The following SLC5A7 variants were observed in gnomAD, a reference collection of about 807,000 sequenced individuals.
The protein encoded by SLC5A7 is high affinity choline transporter 1.
In SLC5A7, 19 loss-of-function variants were observed where a neutral mutation model predicts 55.4. The observed-to-expected ratio is 0.34, with a 90% CI of 0.24 to 0.50. The LOEUF is 0.50. Among genes scored for constraint, SLC5A7 ranks in the 20% least tolerant of loss-of-function variants. The pLI is 0.98. For missense variants in SLC5A7, 506 were observed against 705.3 expected (o/e 0.72, Z 3.20); for synonymous variants, 265 against 263.7 (o/e 1.00, Z -0.05).
chr2:108,007,062 A>G (rs893673696), intron 7 of SLC5A7, among the ~76,000 whole-genome samples: 1 of 152,204 alleles, frequency 6.6e-6, no homozygotes, highest in Admixed American at 6.5e-5. Flanking sequence ...GCTCACCTTT[A>G]ATTTAATTAA....
rs767362959 is a variant in SLC5A7 at position 107,993,159 on chromosome 2, T to A, written c.448+32T>A. 7.4e-6 allele frequency: 12 copies of A among 1,611,920 alleles called. 1 individual carries two copies. In the South Asian group the frequency reaches 8.8e-5, roughly 12 times the overall value. On this transcript the variant is annotated intron_variant, in intron 4 of 8. Coordinates refer to ENST00000264047, the MANE Select transcript of SLC5A7 (RefSeq NM_021815.5). ...ACCAGCTAAGTTGTCTAGCTGCATC[T>A]TTGTAGTTAACTAAACATCAGATAC...
intron 5 of SLC5A7, 93 bp from the exon 6 acceptor site, chr2:108,001,804 C>T: frequency 7.4e-7 from 1 of 1,344,856 alleles, no homozygotes; most frequent in Non-Finnish European, 1.0e-6. Context: ...AGAGGAACTA[C>T]TGAGCTGTGC....
At chr2:108,005,149 G>A (rs1471011233) in intron 6 of SLC5A7, among the ~76,000 whole-genome samples, 1 of 152,164 alleles carries the variant, frequency 6.6e-6, no homozygotes, top group African/African-American at 2.4e-5. Context: ...AGAAGTTCTA[G>A]TATTTATTAT....
rs1313664237 is a variant in SLC5A7 at position 108,013,321 on chromosome 2, T to C, written c.*2460T>C. 1 of 152,170 alleles carries C rather than the reference T, an allele frequency of 6.6e-6. No individual in the cohort carries two copies. Among genetic ancestry groups the C allele is most frequent in the African/African-American group, 2.4e-5 (1 of 41,444 alleles). The allele number at this position is 152,170 out of a possible 1,614,324, so 9.4% of individuals were successfully genotyped here. ...TCCTCACCTACCCTCAAAGTAGGTA[T>C]ACAAAAGACTAGTTTGTTATTAATC... On this transcript the variant is annotated 3_prime_UTR_variant, in exon 9 of 9. Transcript: ENST00000264047.
Position 108,010,621 on chromosome 2 carries a change from A to G in SLC5A7, c.1503A>G (p.Leu501=), listed in dbSNP as rs921978446. The G allele has an allele frequency of 3.1e-6, 5 of 1,614,006 alleles. No homozygotes were observed. Among genetic ancestry groups the G allele is most frequent in the African/African-American group, 1.3e-5 (1 of 75,038 alleles). Residue 501 remains leucine, a synonymous_variant, in exon 9 of 9, where the codon CTA becomes CTG. Coordinates refer to ENST00000264047, the MANE Select transcript of SLC5A7 (RefSeq NM_021815.5). ...NICISYLAKY[L]FESGTLPPKL... is the part of the protein sequence containing the mutation. ...GCATCTCCTATCTAGCCAAGTATCTATTTGAAAGTGGAACCTTGCCACCTA... is the reference window on the plus strand; with the variant it reads ...GCATCTCCTATCTAGCCAAGTATCTGTTTGAAAGTGGAACCTTGCCACCTA...
intron 8 of SLC5A7, among the ~76,000 whole-genome samples, chr2:108,009,320 A>G (rs1371024281): frequency 2.0e-5 from 3 of 152,188 alleles, no homozygotes; most frequent in African/African-American, 7.2e-5. Context: ...CTCCTTGAAC[A>G]AGGCATTTTC....
chr2:107,993,714 CTGA>C (rs1230295212), intron 4 of SLC5A7, among the ~76,000 whole-genome samples: 2 of 152,128 alleles, frequency 1.3e-5, no homozygotes, highest in Non-Finnish European at 2.9e-5. Context: ...TCTAAAAGCA[CTGA>C]TATTTTCAGA....
In SLC5A7 at chr2:107,992,088, C is replaced by G. The variant is rs552222736; in HGVS notation, c.179-18C>G. Reference sequence around the variant, plus strand: ...CAGGTAAGACAGTATCACTCCCTCACTTTTCATTCTGTTTCAGCTACCTGG... The same window carrying G: ...CAGGTAAGACAGTATCACTCCCTCAGTTTTCATTCTGTTTCAGCTACCTGG... On this transcript the variant is annotated intron_variant, in intron 2 of 8. Coordinates refer to ENST00000264047, the MANE Select transcript of SLC5A7 (RefSeq NM_021815.5). 1.3e-6 allele frequency: 2 copies of G among 1,557,176 alleles called. No homozygotes were observed. The highest frequency in any genetic ancestry group is 2.7e-5 in the African/African-American group (2 of 74,010).
At chr2:107,993,866 C>T (rs1677551534) in intron 4 of SLC5A7, among the ~76,000 whole-genome samples, 1 of 152,174 alleles carries the variant, frequency 6.6e-6, no homozygotes, top group Admixed American at 6.5e-5. Context: ...GTAAGTCACA[C>T]AGCAAAACTA....
intron 8 of SLC5A7, among the ~76,000 whole-genome samples, chr2:108,009,790 T>C (rs1459095369): frequency 6.6e-6 from 1 of 152,176 alleles, no homozygotes; most frequent in African/African-American, 2.4e-5. Context: ...ATGTGTCTTT[T>C]CAAGAGCACC....
At chr2:108,003,770 C>T (rs1211541848) in intron 6 of SLC5A7, among the ~76,000 whole-genome samples, 1 of 152,208 alleles carries the variant, frequency 6.6e-6, no homozygotes, top group African/African-American at 2.4e-5. Context: ...GCCCACTTTC[C>T]ATATTACTAC....
At chr2:108,008,703 C>T (rs1678208778) in intron 8 of SLC5A7, 21 bp downstream of exon 8, 1 of 1,598,388 alleles carries the variant, frequency 6.3e-7, no homozygotes, top group Non-Finnish European at 8.6e-7. Context: ...TTTCTTTCAA[C>T]CTGACATTTA....
chr2:107,996,910 G>A (rs998138137), intron 4 of SLC5A7, among the ~76,000 whole-genome samples: 1 of 152,180 alleles, frequency 6.6e-6, no homozygotes, highest in Non-Finnish European at 1.5e-5. Context: ...AAAGAAGAGT[G>A]ATCTGTCGCA....
intron 4 of SLC5A7, among the ~76,000 whole-genome samples, chr2:107,997,483 A>G (rs541730328): frequency 2.0e-5 from 3 of 152,216 alleles, no homozygotes; most frequent in African/African-American, 7.2e-5. Context: ...TAAGCAACAC[A>G]TGGCTGTATT....
In SLC5A7 at chr2:108,006,095, C is replaced by T. The variant is rs1259002559; in HGVS notation, c.788C>T (p.Ser263Phe). Reference protein sequence around the residue: ...PWQAYFQRVLSSSSATYAQVL... With the variant: ...PWQAYFQRVLFSSSATYAQVL... The stretch of plus-strand genomic sequence containing the variant: ...CAAGCATACTTTCAGAGGGTTCTCT[C>T]TTCTTCCTCAGCCACCTATGCTCAA... Residue 263 changes from serine to phenylalanine, a missense_variant, in exon 7 of 9, where the codon TCT becomes TTT. Physicochemically the swap from Ser to Phe is radical, Grantham distance 155. Coordinates refer to ENST00000264047, the MANE Select transcript of SLC5A7 (RefSeq NM_021815.5). 6.2e-7 allele frequency: 1 copy of T among 1,614,186 alleles called. No homozygotes were observed. Among genetic ancestry groups the T allele is most frequent in the Admixed American group, 1.7e-5 (1 of 60,018 alleles).
chr2:107,996,184 C>G (rs1677661826), intron 4 of SLC5A7, among the ~76,000 whole-genome samples: 2 of 152,014 alleles, frequency 1.3e-5, no homozygotes, highest in Admixed American at 1.3e-4. Context: ...AAAAGAACGA[C>G]AAAGTGTTGG....
At chr2:107,987,202 T>C (rs1371988675) in intron 1 of SLC5A7, among the ~76,000 whole-genome samples, 1 of 152,070 alleles carries the variant, frequency 6.6e-6, no homozygotes, top group Admixed American at 6.5e-5. Flanking sequence ...GGAACAGCTG[T>C]GGTCACAAAG....
rs114439816 is a variant in SLC5A7 at position 107,997,698 on chromosome 2, A to G, written c.449-140A>G. On this transcript the variant is annotated intron_variant, in intron 4 of 8. Coordinates refer to ENST00000264047, the MANE Select transcript of SLC5A7 (RefSeq NM_021815.5). Reference sequence around the variant, plus strand: ...ATATACAAATTTCAATATAAAAATTAACTTTAGGTGTTTTCATCCACTGCA... The same window carrying G: ...ATATACAAATTTCAATATAAAAATTGACTTTAGGTGTTTTCATCCACTGCA... 3,066 of 738,056 alleles carry G rather than the reference A, an allele frequency of 4.2e-3. 61 individuals carry two copies. In the African/African-American group the frequency reaches 0.049, roughly 12 times the overall value. 45.7% of individuals were successfully genotyped at this position (738,056 alleles called of 1,614,324 possible).
At position 108,009,581 on chromosome 2, in the gene SLC5A7, T is replaced by G. The variant is rs1326256532; in HGVS notation, c.1114-651T>G. ...TGTGGTGTTTGGTTTTCTGTTCCTG[T>G]GCTAGTTTGCTGAGGATGATGGCTT... On this transcript the variant is annotated intron_variant, in intron 8 of 8. Coordinates refer to ENST00000264047, the MANE Select transcript of SLC5A7 (RefSeq NM_021815.5). Among the ~76,000 whole-genome samples, 3 of 152,168 alleles carry G rather than the reference T, an allele frequency of 2.0e-5. No individual in the cohort carries two copies. In the East Asian group the frequency reaches 5.8e-4, roughly 29 times the overall value.
Sources: gnomAD v4.1 joint callset for allele counts (sites outside exome capture counted in the v4.1 genomes callset) on GRCh38, gnomAD v4.1.1 for gene constraint, MANE v1.5 for transcripts, NCBI Gene and HGNC (gene_info 2026-07-23, HGNC 2026-07-21) for gene names.